The following RBM44 variants were observed in gnomAD, a reference collection of about 807,000 sequenced individuals.
RBM44 encodes RNA binding motif protein 44, also known as RNA-binding protein 44.
A neutral mutation model predicts 105.1 loss-of-function variants in RBM44; 66 were observed. The observed-to-expected ratio is 0.63, with a 90% confidence interval of 0.52 to 0.77. The LOEUF is 0.77. Among genes scored for constraint, RBM44 ranks in the 30% least tolerant of loss-of-function variants. RBM44 has a pLI of 0.00. For synonymous variants in RBM44, 365 were observed against 417.6 expected, an observed-to-expected ratio of 0.87 and a Z score of 1.54; for missense variants, 1,122 against 1,207.8, an observed-to-expected ratio of 0.93 and a Z score of 1.05.
chr2:237,817,663 T>C lies in RBM44; in HGVS notation c.744T>C (p.Asp248=), dbSNP rs778088352. The change falls in exon 3 of 16, where the codon GAT becomes GAC. Residue 248 remains aspartate, a synonymous_variant. Coordinates refer to ENST00000316997, the MANE Select transcript of RBM44 (RefSeq NM_001080504.3). ...NSGSGSIISF[D]SLDVYGQEES... The stretch of plus-strand genomic sequence containing the variant: ...GAAGTGGTTCTATCATCTCTTTCGA[T>C]TCACTTGATGTTTATGGACAAGAAG... 1.9e-6 allele frequency: 3 copies of C among 1,612,566 alleles called. No individual in the cohort carries two copies. The East Asian group carries it at 6.7e-5, about 36-fold the overall frequency.
intron 1 of RBM44, among the ~76,000 whole-genome samples, chr2:237,800,141 C>G (rs532978584): frequency 1.8e-4 from 27 of 151,914 alleles, no homozygotes; most frequent in Admixed American, 1.8e-3. Flanking sequence ...CTGCTCAACA[C>G]TGTTGTTACT....
intron 1 of RBM44, among the ~76,000 whole-genome samples, chr2:237,809,490 A>G (rs547541610): frequency 2.6e-5 from 4 of 152,244 alleles, no homozygotes; most frequent in East Asian, 1.9e-4. Flanking sequence ...GCATCTTTCA[A>G]TATTCCATGT....
Position 237,817,023 on chromosome 2 carries a change from T to G in RBM44, c.104T>G (p.Leu35Trp), listed in dbSNP as rs1446557838. 6.5e-7 allele frequency: 1 copy of G among 1,547,674 alleles called. No homozygotes were observed. The highest frequency in any genetic ancestry group is 8.7e-7 in the Non-Finnish European group (1 of 1,150,972). Residue 35 changes from leucine to tryptophan, a missense_variant, in exon 3 of 16, where the codon TTG becomes TGG. Physicochemically the swap from Leu to Trp is moderately conservative, Grantham distance 61. Coordinates refer to ENST00000316997, the MANE Select transcript of RBM44 (RefSeq NM_001080504.3). Reference protein sequence around the residue: ...DKPSNPKKENLLLSSNGCDEV... With the variant: ...DKPSNPKKENWLLSSNGCDEV... ...CCTTCAAATCCAAAGAAAGAAAATT[T>G]GTTATTATCCTCCAATGGTTGTGAT...
intron 7 of RBM44, 140 bp downstream of exon 7, chr2:237,821,508 T>G: frequency 1.3e-6 from 1 of 780,646 alleles, no homozygotes; most frequent in Non-Finnish European, 2.1e-6. Context: ...TTCTTGACAT[T>G]TAATATTGTA....
intron 12 of RBM44, among the ~76,000 whole-genome samples, chr2:237,828,006 A>G (rs546373788): frequency 5.9e-5 from 9 of 152,170 alleles, no homozygotes; most frequent in Non-Finnish European, 1.3e-4. Flanking sequence ...AAAGCCTGGC[A>G]CATAGTAGGT....
chr2:237,821,057 C>T lies in RBM44; in HGVS notation c.1914-14C>T. The T allele has an allele frequency of 6.4e-7, 1 of 1,570,562 alleles. No individual in the cohort carries two copies. Among genetic ancestry groups the T allele is most frequent in the Non-Finnish European group, 8.6e-7 (1 of 1,164,806 alleles). On this transcript the variant is annotated splice_polypyrimidine_tract_variant and intron_variant, in intron 5 of 15. Coordinates refer to ENST00000316997, the MANE Select transcript of RBM44 (RefSeq NM_001080504.3). ...CCTAAATAATTTAGTTTTGTGCACTCAACTTTTGAACAGGAATTTATCAAG... is the reference window on the plus strand; with the variant it reads ...CCTAAATAATTTAGTTTTGTGCACTTAACTTTTGAACAGGAATTTATCAAG...
Position 237,824,410 on chromosome 2 carries a change from C to A in RBM44, c.2440C>A (p.Leu814Ile), listed in dbSNP as rs1438599175. ...QVEQDTWNLDLTGEMKNVEPS... is the reference protein window; with the variant it reads ...QVEQDTWNLDITGEMKNVEPS... ...AGAACAAGACACATGGAATTTGGAT[C>A]TTACAGGAGGTTGGTTCTCAAGAAT... The change falls in exon 10 of 16, where the codon CTT becomes ATT. Residue 814 changes from leucine to isoleucine, a missense_variant. Transcript: ENST00000316997. 1 of 1,612,004 alleles carries A rather than the reference C, an allele frequency of 6.2e-7. No homozygotes were observed. The highest frequency in any genetic ancestry group is 8.5e-7 in the Non-Finnish European group (1 of 1,178,844).
At position 237,818,619 on chromosome 2, in the gene RBM44, T is replaced by C; in HGVS notation, c.1677+23T>C. On this transcript the variant is annotated intron_variant, in intron 3 of 15. Transcript: ENST00000316997. This position sits in a 1 kb window ranked among gnomAD's most constrained non-coding sequence, Gnocchi z 4.6. ...AAGGTAAAATCAATATGAGTAATAA[T>C]AAAATTTGGACTTTATAAAGAGACA... The C allele has an allele frequency of 7.0e-7, 1 of 1,429,384 alleles. No homozygotes were observed. The highest frequency in any genetic ancestry group is 9.3e-7 in the Non-Finnish European group (1 of 1,075,396). 88.5% of individuals were successfully genotyped at this position (1,429,384 alleles called of 1,614,324 possible). A position where few individuals can be genotyped will look rare whatever the true frequency, so the allele number is the denominator to read the frequency against.
intron 1 of RBM44, among the ~76,000 whole-genome samples, chr2:237,805,403 C>T (rs1367665699): frequency 2.6e-5 from 4 of 152,102 alleles, no homozygotes; most frequent in African/African-American, 9.7e-5. Context: ...GTAAAAATGG[C>T]CATACTCCCC....
rs184572516 is a variant in RBM44, at chr2:237,803,767, T to G, written c.-19+4906T>G. Among the ~76,000 whole-genome samples, 86 of 152,300 alleles carry G rather than the reference T, an allele frequency of 5.6e-4. No individual in the cohort carries two copies. Among genetic ancestry groups the G allele is most frequent in the Non-Finnish European group, 8.8e-4 (60 of 68,030 alleles). On this transcript the variant is annotated intron_variant, in intron 1 of 15. Coordinates refer to ENST00000316997, the MANE Select transcript of RBM44 (RefSeq NM_001080504.3). This position sits in a 1 kb window ranked among gnomAD's most constrained non-coding sequence, Gnocchi z 4.2. ...TGGTTTTCACATTTAAAAATATGAT[T>G]CATCTCACTTTTATTGTGGTGTGAG...
Position 237,823,428 on chromosome 2 carries a change from C to G in RBM44, c.2206-12C>G, listed in dbSNP as rs2061814910. On this transcript the variant is annotated splice_polypyrimidine_tract_variant and intron_variant, in intron 8 of 15. Coordinates refer to ENST00000316997, the MANE Select transcript of RBM44 (RefSeq NM_001080504.3). Reference sequence around the variant, plus strand: ...TGCCCTTATTTATTGTTTTTATTATCTTAATCCTCAGATGTCTTTATCATC... The same window carrying G: ...TGCCCTTATTTATTGTTTTTATTATGTTAATCCTCAGATGTCTTTATCATC... The G allele has an allele frequency of 8.3e-7, 1 of 1,205,466 alleles. No homozygotes were observed. Among genetic ancestry groups the G allele is most frequent in the African/African-American group, 1.5e-5 (1 of 65,284 alleles). The allele number at this position is 1,205,466 out of a possible 1,614,324, so 74.7% of individuals were successfully genotyped here. A position where few individuals can be genotyped will look rare whatever the true frequency, so the allele number is the denominator to read the frequency against.
At chr2:237,836,930 C>T (rs920474756) in intron 15 of RBM44, among the ~76,000 whole-genome samples, 1 of 152,110 alleles carries the variant, frequency 6.6e-6, no homozygotes, top group South Asian at 2.1e-4. Flanking sequence ...TGAGCCCAGC[C>T]TGCAGCATAG....
chr2:237,832,600 G>A (rs1042603806), intron 13 of RBM44, among the ~76,000 whole-genome samples: 1 of 152,202 alleles, frequency 6.6e-6, no homozygotes, highest in Non-Finnish European at 1.5e-5. Context: ...GGGCCGTACA[G>A]GCTGTTGGTA....
At position 237,834,310 on chromosome 2, in the gene RBM44, G is replaced by C. The variant is rs989854112; in HGVS notation, c.3065G>C (p.Arg1022Thr). ...DHIINALQEVRIRHKGFLNGL... is the reference protein window; with the variant it reads ...DHIINALQEVTIRHKGFLNGL... ...ATTATAAATGCACTTCAGGAAGTGA[G>C]AATAAGACATAAAGGTTTTCTGAAT... The change falls in exon 15 of 16, where the codon AGA becomes ACA. Residue 1022 changes from arginine to threonine, a missense_variant. Around this residue, in one of 3 missense-constraint regions of RBM44, gnomAD observed 194 missense variants for 225.5 expected, o/e 0.86. Coordinates refer to ENST00000316997, the MANE Select transcript of RBM44 (RefSeq NM_001080504.3). 1.3e-6 allele frequency: 2 copies of C among 1,581,046 alleles called. No homozygotes were observed. Among genetic ancestry groups the C allele is most frequent in the Non-Finnish European group, 1.7e-6 (2 of 1,162,564 alleles).
chr2:237,801,286 C>T (rs890866900), intron 1 of RBM44, among the ~76,000 whole-genome samples: 5 of 152,206 alleles, frequency 3.3e-5, no homozygotes, highest in Non-Finnish European at 5.9e-5. Flanking sequence ...GCTACCATAG[C>T]ACTCCAGCCT....
chr2:237,835,619 A>G (rs985971361), intron 15 of RBM44, among the ~76,000 whole-genome samples: 7 of 152,224 alleles, frequency 4.6e-5, no homozygotes, highest in Non-Finnish European at 8.8e-5. Flanking sequence ...TAGCAGCCAC[A>G]ACATTGCCTT....
intron 2 of RBM44, among the ~76,000 whole-genome samples, chr2:237,814,859 A>T (rs928657282): frequency 6.6e-6 from 1 of 151,110 alleles, no homozygotes; most frequent in Non-Finnish European, 1.5e-5. Flanking sequence ...GGAAAATAAT[A>T]CTCTGTGTAG....
At chr2:237,836,835 G>A (rs1327661857) in intron 15 of RBM44, among the ~76,000 whole-genome samples, 1 of 150,414 alleles carries the variant, frequency 6.6e-6, no homozygotes, top group Non-Finnish European at 1.5e-5. Context: ...CACCTATGTT[G>A]CCCAGGCTGG....
intron 5 of RBM44, chr2:237,820,787 C>CAAGGTGGGATTTGG: frequency 3.4e-6 from 1 of 297,642 alleles, no homozygotes; most frequent in South Asian, 1.2e-4. Flanking sequence ...GTGGCTTGTG[C>CAAGGTGGGATTTGG]CTGTAATCCC....
Sources: gnomAD v4.1 joint callset for allele counts (sites outside exome capture counted in the v4.1 genomes callset) on GRCh38, gnomAD v4.1.1 for gene constraint, gnomAD v4.1.1 regional missense constraint, Gnocchi (gnomAD v3.1) non-coding constraint, MANE v1.5 for transcripts, NCBI Gene and HGNC (gene_info 2026-07-23, HGNC 2026-07-21) for gene names.